Variants in PKHD1L1 observed in about 807,000 individuals in gnomAD.
PKHD1L1 encodes PKHD1 like 1, also known as fibrocystin-L.
PKHD1L1 carries 434 observed loss-of-function variants against 462.9 expected under a neutral mutation model. The observed-to-expected ratio is 0.94, with a 90% confidence interval of 0.87 to 1.02. The LOEUF (loss-of-function observed/expected upper bound fraction) is 1.02. Ranked by LOEUF, PKHD1L1 falls within the 50% of genes least tolerant of loss-of-function variation. The pLI, the probability that PKHD1L1 is intolerant of heterozygous loss-of-function variation, is 0.00. For missense variants in PKHD1L1, 5,202 were observed against 5,096.1 expected, an observed-to-expected ratio of 1.02 and a Z score of -0.63; for synonymous variants, 1,781 against 1,750.0, an observed-to-expected ratio of 1.02 and a Z score of -0.44.
chr8:109,464,196 G>T lies in PKHD1L1; in HGVS notation c.7384-20G>T. ...ACATCTGAGCTATTACTAAATAACT[G>T]TGATTTCTGGGCTTAACAGGTATTC... is the stretch of plus-strand genomic sequence containing the variant. On this transcript the variant is annotated intron_variant, in intron 48 of 77. Coordinates refer to ENST00000378402, the MANE Select transcript of PKHD1L1 (RefSeq NM_177531.6). The T allele has an allele frequency of 6.6e-7, 1 of 1,519,592 alleles. No individual in the cohort carries two copies. The highest frequency in any genetic ancestry group is 8.9e-7 in the Non-Finnish European group (1 of 1,129,124). 94.1% of individuals were successfully genotyped at this position (1,519,592 alleles called of 1,614,324 possible). A position where few individuals can be genotyped will look rare whatever the true frequency, so the allele number is the denominator to read the frequency against.
chr8:109,396,202 T>A, intron 11 of PKHD1L1, 65 bp downstream of exon 11: 1 of 1,101,992 alleles, frequency 9.1e-7, no homozygotes, highest in Non-Finnish European at 1.3e-6. Context: ...TTTAATAATT[T>A]GTAATAATAA....
chr8:109,429,336 A>C lies in PKHD1L1; in HGVS notation c.3001-4A>C. ...TCTAGTAAAATAATTGTGTGTAAAA[A>C]TAGATTAATGATTCCAACATTATTG... On this transcript the variant is annotated splice_polypyrimidine_tract_variant and splice_region_variant and intron_variant, in intron 25 of 77. Transcript: ENST00000378402. The C allele has an allele frequency of 6.7e-7, 1 of 1,496,520 alleles. No homozygotes were observed. The highest frequency in any genetic ancestry group is 2.0e-5 in the Admixed American group (1 of 50,744). The allele number at this position is 1,496,520 out of a possible 1,614,324, so 92.7% of individuals were successfully genotyped here.
intron 2 of PKHD1L1, among the ~76,000 whole-genome samples, chr8:109,375,712 T>A (rs193272344): frequency 2.0e-4 from 31 of 152,336 alleles, no homozygotes; most frequent in African/African-American, 7.2e-4. Context: ...TTAGTTTTCC[T>A]TCTAACAGTC....
intron 6 of PKHD1L1, among the ~76,000 whole-genome samples, chr8:109,387,430 T>C (rs901243130): frequency 6.6e-6 from 1 of 152,168 alleles, no homozygotes; most frequent in Non-Finnish European, 1.5e-5. Context: ...ATTGTCTGAG[T>C]TGGAATTCTT....
intron 40 of PKHD1L1, among the ~76,000 whole-genome samples, 195 bp from the exon 41 acceptor site, chr8:109,450,780 C>T (rs548768619): frequency 3.3e-5 from 5 of 152,040 alleles, no homozygotes; most frequent in Admixed American, 6.6e-5. Context: ...TTTCTTCTGT[C>T]GATAATGGGC....
At chr8:109,498,800 T>C in intron 67 of PKHD1L1, 29 bp downstream of exon 67, 1 of 1,507,468 alleles carries the variant, frequency 6.6e-7, no homozygotes, top group Non-Finnish European at 9.1e-7. Context: ...ACAAATCTTC[T>C]CAATTAATTT....
intron 2 of PKHD1L1, among the ~76,000 whole-genome samples, chr8:109,370,131 T>A (rs1215413670): frequency 6.6e-6 from 1 of 152,170 alleles, no homozygotes; most frequent in Non-Finnish European, 1.5e-5. Flanking sequence ...TTATTTTTAT[T>A]TTTTTGAGAT....
At chr8:109,372,323 A>T (rs1275274572) in intron 2 of PKHD1L1, among the ~76,000 whole-genome samples, 1 of 152,196 alleles carries the variant, frequency 6.6e-6, no homozygotes, top group Non-Finnish European at 1.5e-5. Flanking sequence ...ATTGGTGTAT[A>T]ACAATGCTTG....
In PKHD1L1 at chr8:109,448,359, C is replaced by T. The variant is rs201346176; in HGVS notation, c.5993C>T (p.Pro1998Leu). 1.3e-4 allele frequency: 214 copies of T among 1,612,244 alleles called. No homozygotes were observed. The highest frequency in any genetic ancestry group is 1.6e-4 in the Non-Finnish European group (188 of 1,179,118). The part of the protein sequence containing the change: ...SAMSTVVFEY[P>L]LNIQNINPSQ... ...ATGTCCACAGTTGTATTTGAGTACC[C>T]GCTTAATATTCAAAATATTAATCCA... The change falls in exon 39 of 78, where the codon CCG becomes CTG. Residue 1998 changes from proline to leucine, a missense_variant. Pro to Leu is a moderately conservative substitution (Grantham distance 98). Coordinates refer to ENST00000378402, the MANE Select transcript of PKHD1L1 (RefSeq NM_177531.6).
intron 76 of PKHD1L1, among the ~76,000 whole-genome samples, chr8:109,524,397 G>A (rs968445702): frequency 5.3e-5 from 8 of 152,114 alleles, no homozygotes; most frequent in African/African-American, 1.9e-4. Flanking sequence ...CTGCTTTCTG[G>A]TTTAGAACAG....
At chr8:109,408,717 C>G (rs1411583732) in intron 18 of PKHD1L1, among the ~76,000 whole-genome samples, 1 of 152,094 alleles carries the variant, frequency 6.6e-6, no homozygotes, top group African/African-American at 2.4e-5. Flanking sequence ...TAAGACTTTA[C>G]CCAACAAAAA....
chr8:109,516,157 T>C lies in PKHD1L1; in HGVS notation c.11689+852T>C, dbSNP rs551234190. ...CTCATTGTTACTACATCATAGTAAC[T>C]CTATGAGGTAGGCACAGATGAGTAA... On this transcript the variant is annotated intron_variant, in intron 72 of 77. Coordinates refer to ENST00000378402, the MANE Select transcript of PKHD1L1 (RefSeq NM_177531.6). Among the ~76,000 whole-genome samples the C allele has an allele frequency of 1.4e-4, 22 of 152,274 alleles. No homozygotes were observed. The South Asian group carries it at 4.6e-3, about 32-fold the overall frequency.
At chr8:109,423,619 C>T (rs1814586713) in intron 23 of PKHD1L1, among the ~76,000 whole-genome samples, 1 of 151,964 alleles carries the variant, frequency 6.6e-6, no homozygotes, top group South Asian at 2.1e-4. Context: ...CTGTGCCTTC[C>T]CATATAAATT....
chr8:109,452,418 C>G (rs1816578515), intron 42 of PKHD1L1, 138 bp downstream of exon 42: 2 of 869,518 alleles, frequency 2.3e-6, no homozygotes, highest in Non-Finnish European at 1.5e-6. Context: ...TCTAAAGTAG[C>G]TTACATTTTT....
Position 109,459,643 on chromosome 8 carries a change from T to C in PKHD1L1, c.7053T>C (p.Ala2351=), listed in dbSNP as rs1163816421. Residue 2351 remains alanine, a synonymous_variant, in exon 47 of 78, where the codon GCT becomes GCC. Coordinates refer to ENST00000378402, the MANE Select transcript of PKHD1L1 (RefSeq NM_177531.6). The part of the protein sequence containing the change: ...NEKMTIASVS[A]DGINITLSNP... The stretch of plus-strand genomic sequence containing the variant: ...AAATGACCATTGCATCTGTGTCTGC[T>C]GATGGCATAAACATAACACTAAGTA... The C allele has an allele frequency of 1.9e-6, 3 of 1,599,982 alleles. No individual in the cohort carries two copies. In the East Asian group the frequency reaches 6.7e-5, roughly 36 times the overall value.
chr8:109,451,200 A>G lies in PKHD1L1; in HGVS notation c.6350+51A>G, dbSNP rs1210798550. ...CATTGTGCATTTCCAGACTTGAGCC[A>G]TTACTCCTGCTTTCTCCTATGCCCG... is the stretch of plus-strand genomic sequence containing the variant. On this transcript the variant is annotated intron_variant, in intron 41 of 77. Coordinates refer to ENST00000378402, the MANE Select transcript of PKHD1L1 (RefSeq NM_177531.6). 10 of 1,516,272 alleles carry G rather than the reference A, an allele frequency of 6.6e-6. No individual in the cohort carries two copies. The Admixed American group carries it at 7.7e-5, about 12-fold the overall frequency. 93.9% of individuals were successfully genotyped at this position (1,516,272 alleles called of 1,614,324 possible). A position where few individuals can be genotyped will look rare whatever the true frequency, so the allele number is the denominator to read the frequency against.
At position 109,530,101 on chromosome 8, in the gene PKHD1L1, C is replaced by T. The variant is rs762301520; in HGVS notation, c.*11C>T. ...TCAGGAAGCTACTAAAGTGCTGTTC[C>T]GAAGAATAGGCTGAAACAAAAATAT... On this transcript the variant is annotated 3_prime_UTR_variant, in exon 78 of 78. Transcript: ENST00000378402. 40 of 1,347,266 alleles carry T rather than the reference C, an allele frequency of 3.0e-5. No homozygotes were observed. The South Asian group carries it at 4.9e-4, about 16-fold the overall frequency. 83.5% of individuals were successfully genotyped at this position (1,347,266 alleles called of 1,614,324 possible). A position where few individuals can be genotyped will look rare whatever the true frequency, so the allele number is the denominator to read the frequency against.
At chr8:109,422,183 A>C (rs1814508338) in intron 23 of PKHD1L1, among the ~76,000 whole-genome samples, 2 of 152,102 alleles carry the variant, frequency 1.3e-5, no homozygotes, top group Admixed American at 1.3e-4. Context: ...AATTGACATG[A>C]TAAAATCCAC....
At chr8:109,390,653 A>T (rs1418484470) in intron 9 of PKHD1L1, among the ~76,000 whole-genome samples, 159 bp downstream of exon 9, 1 of 152,180 alleles carries the variant, frequency 6.6e-6, no homozygotes, top group Non-Finnish European at 1.5e-5. Context: ...TTTCACTCAC[A>T]ATTTATGCTT....
Sources: gnomAD v4.1 joint callset for allele counts (sites outside exome capture counted in the v4.1 genomes callset) on GRCh38, gnomAD v4.1.1 for gene constraint, MANE v1.5 for transcripts, NCBI Gene and HGNC (gene_info 2026-07-23, HGNC 2026-07-21) for gene names.